Variants in GLIS3 observed in about 807,000 individuals in gnomAD.
The protein encoded by GLIS3 is zinc finger protein GLIS3.
A neutral mutation model predicts 78.6 loss-of-function variants in GLIS3; 53 were observed. The ratio of observed to expected loss-of-function variants is 0.67; its 90% CI spans 0.54 to 0.85. The LOEUF (loss-of-function observed/expected upper bound fraction) is 0.85. Ranked by LOEUF, GLIS3 falls within the 40% of genes least tolerant of loss-of-function variation. The pLI, the probability that GLIS3 is intolerant of heterozygous loss-of-function variation, is 0.00. For missense variants in GLIS3, 1,703 were observed against 1,231.1 expected, an observed-to-expected ratio of 1.38 and a Z score of -5.74; for synonymous variants, 684 against 509.9, an observed-to-expected ratio of 1.34 and a Z score of -4.60.
chr9:4,288,314 C>A (rs1216064353), intron 1 of GLIS3, among the ~76,000 whole-genome samples: 1 of 152,138 alleles, frequency 6.6e-6, no homozygotes, highest in Non-Finnish European at 1.5e-5. Context: ...ACGTATTCAG[C>A]AGCAACCCAC....
chr9:4,367,942 T>C, the GLIS3 span, among the ~76,000 whole-genome samples: 1 of 152,224 alleles, frequency 6.6e-6, no homozygotes, highest in Non-Finnish European at 1.5e-5. Context: ...GAGGTTTGTG[T>C]AGCTTGGCCA....
At chr9:3,925,580 A>G (rs531811019) in intron 6 of GLIS3, among the ~76,000 whole-genome samples, 1 of 151,878 alleles carries the variant, frequency 6.6e-6, no homozygotes, top group South Asian at 2.1e-4. Flanking sequence ...GTGTGTCTAC[A>G]TGGTCAGTGT....
Position 4,093,840 on chromosome 9 carries a change from G to T in GLIS3, c.1710+23928C>A, listed in dbSNP as rs552311472. The stretch of plus-strand genomic sequence containing the variant: ...GGCCAAACATGTATTCTTTGGCTAT[G>T]ACAAGACAAGTTGACCAGAAGGCCT... On this transcript the variant is annotated intron_variant, in intron 4 of 10. Coordinates refer to ENST00000381971, the MANE Select transcript of GLIS3 (RefSeq NM_001042413.2). Among the ~76,000 whole-genome samples, 5 of 152,276 alleles carry T rather than the reference G, an allele frequency of 3.3e-5. No homozygotes were observed. The South Asian group carries it at 1.0e-3, about 32-fold the overall frequency.
At chr9:3,996,923 A>G (rs1426944261) in intron 4 of GLIS3, among the ~76,000 whole-genome samples, 1 of 152,248 alleles carries the variant, frequency 6.6e-6, no homozygotes, top group Non-Finnish European at 1.5e-5. Flanking sequence ...ATGACAAATG[A>G]TAAGTGTCTA....
At chr9:3,914,266 C>G (rs751141865) in intron 6 of GLIS3, among the ~76,000 whole-genome samples, 3 of 152,080 alleles carry the variant, frequency 2.0e-5, no homozygotes, top group Non-Finnish European at 4.4e-5. Context: ...CCATCTCAGC[C>G]TCCTGAGTAG....
intron 2 of GLIS3, among the ~76,000 whole-genome samples, chr9:4,345,806 T>G (rs1422289055): frequency 3.9e-5 from 6 of 152,182 alleles, no homozygotes; most frequent in African/African-American, 7.2e-5. Context: ...TGATTGCGTC[T>G]GGGGAGTGAG....
Position 3,828,384 on chromosome 9 carries a change from G to T in GLIS3, c.2681C>A (p.Ser894Ter), listed in dbSNP as rs202168959. The change falls in exon 11 of 11, where the codon TCG becomes TAG. Residue 894 changes from serine to a stop codon, truncating the protein, a stop_gained. Transcript: ENST00000381971. LOFTEE classifies it high-confidence loss of function. ...ITVYDLPSSS[S>*]SLFGESLRSG... is the part of the protein sequence containing the mutation. Reference sequence around the variant, plus strand: ...GCGGAGAGACTCCCCAAAGAGGCTCGAGGAACTTGAAGGTAAATCATACAC... The same window carrying T: ...GCGGAGAGACTCCCCAAAGAGGCTCTAGGAACTTGAAGGTAAATCATACAC... 3 of 1,613,436 alleles carry T rather than the reference G, an allele frequency of 1.9e-6. No homozygotes were observed. The highest frequency in any genetic ancestry group is 2.5e-6 in the Non-Finnish European group (3 of 1,179,990).
chr9:4,251,525 C>T (rs1357203668), intron 2 of GLIS3, among the ~76,000 whole-genome samples: 1 of 151,346 alleles, frequency 6.6e-6, no homozygotes, highest in Non-Finnish European at 1.5e-5. Flanking sequence ...GATGAGTCTC[C>T]TGAATACAGC....
chr9:4,053,936 G>C (rs1236075183), intron 4 of GLIS3, among the ~76,000 whole-genome samples: 2 of 152,084 alleles, frequency 1.3e-5, no homozygotes, highest in African/African-American at 2.4e-5. Flanking sequence ...CAGGCTTTGA[G>C]TTTTGTTCTG....
chr9:4,069,192 C>T (rs1434670951), intron 4 of GLIS3, among the ~76,000 whole-genome samples: 1 of 152,114 alleles, frequency 6.6e-6, no homozygotes, highest in African/African-American at 2.4e-5. Context: ...AGATACTGGC[C>T]AGCTCTAAAA....
chr9:4,365,564 AG>A, the GLIS3 span, among the ~76,000 whole-genome samples: 39 of 145,438 alleles, frequency 2.7e-4, no homozygotes, highest in African/African-American at 1.1e-3. Flanking sequence ...TCAAAAAAAA[AG>A]AAAAAAGAAA....
chr9:4,074,480 C>T (rs950763063), intron 4 of GLIS3, among the ~76,000 whole-genome samples: 7 of 152,148 alleles, frequency 4.6e-5, no homozygotes, highest in East Asian at 1.9e-4. Context: ...ATTTCCATCC[C>T]GGTTCTCCAT....
intron 4 of GLIS3, among the ~76,000 whole-genome samples, chr9:4,103,966 G>C (rs1830566563): frequency 1.3e-5 from 2 of 152,016 alleles, no homozygotes; most frequent in Non-Finnish European, 2.9e-5. Context: ...CACAGTGTTT[G>C]GTAAACAGAA....
the GLIS3 span, among the ~76,000 whole-genome samples, chr9:4,456,457 T>A: frequency 7.2e-5 from 11 of 152,330 alleles, no homozygotes; most frequent in African/African-American, 2.6e-4. Context: ...GATTTGATCA[T>A]CTATCTAGAC....
At chr9:3,920,966 A>G (rs1216506286) in intron 6 of GLIS3, among the ~76,000 whole-genome samples, 1 of 152,224 alleles carries the variant, frequency 6.6e-6, no homozygotes, top group South Asian at 2.1e-4. Flanking sequence ...GAGATTTGAA[A>G]TGAGGAAAAC....
intron 6 of GLIS3, among the ~76,000 whole-genome samples, chr9:3,908,711 T>TTTTG (rs1554644788): frequency 8.2e-4 from 107 of 130,802 alleles, no homozygotes; most frequent in African/African-American, 3.1e-3. Context: ...TATTTGTTTT[T>TTTTG]TTTTTTTTTT....
At chr9:4,121,740 G>T (rs1298813893) in intron 3 of GLIS3, among the ~76,000 whole-genome samples, 1 of 151,666 alleles carries the variant, frequency 6.6e-6, no homozygotes, top group African/African-American at 2.4e-5. Context: ...ATTCTCTATT[G>T]TTTTCTTTAC....
chr9:4,465,518 C>T, the GLIS3 span, among the ~76,000 whole-genome samples: 92 of 152,040 alleles, frequency 6.1e-4, no homozygotes, highest in African/African-American at 2.0e-3. Flanking sequence ...CATTGCACTC[C>T]GGCCTGGGCG....
At chr9:4,228,283 C>G (rs1821951733) in intron 2 of GLIS3, among the ~76,000 whole-genome samples, 1 of 150,478 alleles carries the variant, frequency 6.6e-6, no homozygotes, top group Non-Finnish European at 1.5e-5. Flanking sequence ...GTTTTAAATG[C>G]TGACGGGACC....
Sources: gnomAD v4.1 joint callset for allele counts (sites outside exome capture counted in the v4.1 genomes callset) on GRCh38, gnomAD v4.1.1 for gene constraint, MANE v1.5 for transcripts, NCBI Gene and HGNC (gene_info 2026-07-23, HGNC 2026-07-21) for gene names.